FAM174A: variants seen among roughly 807,000 people sequenced by gnomAD.
FAM174A encodes family with sequence similarity 174 member A, also known as membrane protein FAM174A.
Under a neutral mutation model 14.3 loss-of-function variants are expected in FAM174A, and 14 were observed. The ratio of observed to expected loss-of-function variants is 0.98; its 90% CI spans 0.65 to 1.53. The LOEUF is 1.53. Ranked by LOEUF, FAM174A falls within the 40% of genes most tolerant of loss-of-function variation. The probability of loss-of-function intolerance (pLI) is 0.00; values close to 1 mark genes in which losing one functional copy is unlikely to be tolerated. For synonymous variants in FAM174A, 108 were observed against 111.4 expected (o/e 0.97, Z 0.19); for missense variants, 241 against 249.6 (o/e 0.97, Z 0.23).
intron 1 of FAM174A, among the ~76,000 whole-genome samples, chr5:100,544,817 T>C (rs1746132665): frequency 6.6e-6 from 1 of 152,250 alleles, no homozygotes; most frequent in Non-Finnish European, 1.5e-5. Flanking sequence ...AGAGGTTGAA[T>C]GTGGGACAAA....
chr5:100,560,077 T>G lies in FAM174A; in HGVS notation c.435-1977T>G, dbSNP rs537524605. ...CTCTGTTTTTTCCCCATCTTTGTGG[T>G]TTTATCTACCTTTGGTCTTTGATGA... On this transcript the variant is annotated intron_variant, in intron 1 of 2. Transcript: ENST00000312637. Among the ~76,000 whole-genome samples the G allele has an allele frequency of 2.4e-3, 359 of 152,150 alleles. 1 individual carries two copies. Among genetic ancestry groups the G allele is most frequent in the South Asian group, 4.1e-3 (20 of 4,826 alleles).
At chr5:100,562,348 A>G (rs1746542814) in intron 2 of FAM174A, among the ~76,000 whole-genome samples, 160 bp downstream of exon 2, 1 of 151,968 alleles carries the variant, frequency 6.6e-6, no homozygotes, top group Non-Finnish European at 1.5e-5. Flanking sequence ...CATAGCTCAC[A>G]TTCACGTTGT....
chr5:100,546,609 A>G (rs1424653571), intron 1 of FAM174A, among the ~76,000 whole-genome samples: 2 of 152,224 alleles, frequency 1.3e-5, no homozygotes, highest in African/African-American at 4.8e-5. Flanking sequence ...ATCTTACCAA[A>G]TAGTAAAACA....
intron 2 of FAM174A, among the ~76,000 whole-genome samples, chr5:100,585,955 T>C (rs1371925127): frequency 1.5e-4 from 23 of 152,194 alleles, no homozygotes; most frequent in Non-Finnish European, 1.5e-5. Flanking sequence ...TCACAGTAGT[T>C]AAATATAAAA....
chr5:100,567,004 G>A (rs1361818024), intron 2 of FAM174A, among the ~76,000 whole-genome samples: 2 of 151,824 alleles, frequency 1.3e-5, no homozygotes, highest in African/African-American at 2.4e-5. Flanking sequence ...GTTACAGCAG[G>A]AAAGGCAGAG....
chr5:100,562,592 A>G (rs1025915566), intron 2 of FAM174A, among the ~76,000 whole-genome samples: 2 of 150,640 alleles, frequency 1.3e-5, no homozygotes, highest in Non-Finnish European at 3.0e-5. Context: ...GTGTGTGTGC[A>G]TGTGTGTTTG....
chr5:100,540,120 C>CT (rs1238973020), intron 1 of FAM174A, among the ~76,000 whole-genome samples: 1 of 152,134 alleles, frequency 6.6e-6, no homozygotes, highest in African/African-American at 2.4e-5. Flanking sequence ...ATGCATGTGA[C>CT]TTTAATCACC....
chr5:100,575,355 A>C (rs893550696), intron 2 of FAM174A, among the ~76,000 whole-genome samples: 1 of 151,840 alleles, frequency 6.6e-6, no homozygotes, highest in African/African-American at 2.4e-5. Context: ...GCACCCATTA[A>C]CTCATCATTT....
intron 1 of FAM174A, among the ~76,000 whole-genome samples, chr5:100,559,313 A>G (rs1746473269): frequency 6.6e-6 from 1 of 152,140 alleles, no homozygotes; most frequent in Admixed American, 6.6e-5. Context: ...ATCAGCTGTT[A>G]GTCTGATGGG....
chr5:100,583,578 G>A (rs1472987708), intron 2 of FAM174A, among the ~76,000 whole-genome samples: 1 of 151,696 alleles, frequency 6.6e-6, no homozygotes, highest in Non-Finnish European at 1.5e-5. Flanking sequence ...TTGTTCCATT[G>A]TAATGTCAGT....
At chr5:100,575,420 G>A (rs1746881892) in intron 2 of FAM174A, among the ~76,000 whole-genome samples, 1 of 151,946 alleles carries the variant, frequency 6.6e-6, no homozygotes. Context: ...CCGCATAACA[G>A]GCCCCAGTGT....
At chr5:100,561,577 A>G (rs1746522505) in intron 1 of FAM174A, among the ~76,000 whole-genome samples, 2 of 151,936 alleles carry the variant, frequency 1.3e-5, no homozygotes, top group African/African-American at 4.8e-5. Flanking sequence ...AAATACTCCC[A>G]GGTAATTCTA....
chr5:100,557,853 A>C (rs1167494306), intron 1 of FAM174A, among the ~76,000 whole-genome samples: 1 of 151,814 alleles, frequency 6.6e-6, no homozygotes, highest in East Asian at 1.9e-4. Context: ...TCTTGCTAGC[A>C]GTCTATCAAT....
At chr5:100,552,459 A>G (rs994401513) in intron 1 of FAM174A, among the ~76,000 whole-genome samples, 1 of 151,884 alleles carries the variant, frequency 6.6e-6, no homozygotes, top group African/African-American at 2.4e-5. Context: ...ATATTACCCT[A>G]CAGATGCTTA....
At chr5:100,568,265 G>A (rs561063172) in intron 2 of FAM174A, among the ~76,000 whole-genome samples, 3 of 151,630 alleles carry the variant, frequency 2.0e-5, no homozygotes, top group Non-Finnish European at 4.4e-5. Flanking sequence ...CTTGTAACTC[G>A]GTCCCATGTT....
At chr5:100,538,045 T>C (rs542762874) in intron 1 of FAM174A, among the ~76,000 whole-genome samples, 2 of 152,310 alleles carry the variant, frequency 1.3e-5, no homozygotes, top group East Asian at 3.9e-4. Flanking sequence ...TTCTGAACTA[T>C]GGCTAATAAA....
chr5:100,576,217 A>G (rs192781729), intron 2 of FAM174A, among the ~76,000 whole-genome samples: 39 of 152,280 alleles, frequency 2.6e-4, no homozygotes, highest in Admixed American at 1.9e-3. Context: ...GAAAATACCA[A>G]TATATGGTTT....
chr5:100,580,762 T>C lies in FAM174A; in HGVS notation c.570-5419T>C, dbSNP rs146666428. Reference sequence around the variant, plus strand: ...ATTAACCATCACACTTGCAGTCTTCTATCTTTGCTGGCCACAGCTGAGGGA... The same window carrying C: ...ATTAACCATCACACTTGCAGTCTTCCATCTTTGCTGGCCACAGCTGAGGGA... On this transcript the variant is annotated intron_variant, in intron 2 of 2. Coordinates refer to ENST00000312637, the MANE Select transcript of FAM174A (RefSeq NM_198507.3). Among the ~76,000 whole-genome samples, 634 of 152,336 alleles carry C rather than the reference T, an allele frequency of 4.2e-3. 2 individuals are homozygous for C. The highest frequency in any genetic ancestry group is 7.4e-3 in the Non-Finnish European group (502 of 68,028).
intron 1 of FAM174A, among the ~76,000 whole-genome samples, chr5:100,550,105 A>G (rs1746235749): frequency 6.6e-6 from 1 of 152,188 alleles, no homozygotes; most frequent in East Asian, 1.9e-4. Flanking sequence ...AAATTTGCAT[A>G]CCAAAAGGAC....
Sources: allele counts gnomAD v4.1 joint callset (sites outside exome capture counted in the v4.1 genomes callset), GRCh38; gene constraint gnomAD v4.1.1; transcripts MANE v1.5; gene names NCBI Gene and HGNC (gene_info 2026-07-23, HGNC 2026-07-21).